The following CALN1 variants were observed in gnomAD, a reference collection of about 807,000 sequenced individuals.
CALN1 encodes calcium-binding protein 8.
In CALN1, 17 loss-of-function variants were observed where a neutral mutation model predicts 30.6. The observed-to-expected ratio is 0.56, with a 90% CI of 0.38 to 0.83. CALN1 has a LOEUF of 0.83. CALN1 is among the 40% of genes least tolerant of loss of function. CALN1 has a pLI of 0.00. For synonymous variants in CALN1, 156 were observed against 131.4 expected, an observed-to-expected ratio of 1.19 and a Z score of -1.28; for missense variants, 291 against 354.9, an observed-to-expected ratio of 0.82 and a Z score of 1.45.
intron 4 of CALN1, among the ~76,000 whole-genome samples, chr7:72,036,770 CT>C (rs1801823556): frequency 1.3e-5 from 2 of 151,772 alleles, no homozygotes; most frequent in African/African-American, 2.4e-5. Context: ...TGTATTCGAT[CT>C]GCTATCAGGT....
chr7:71,885,696 T>C (rs1792860479), intron 5 of CALN1, among the ~76,000 whole-genome samples: 1 of 152,250 alleles, frequency 6.6e-6, no homozygotes, highest in African/African-American at 2.4e-5. Flanking sequence ...ACAGAATTGC[T>C]GAGGTTAGCA....
At chr7:71,955,551 C>A (rs1174545132) in intron 5 of CALN1, among the ~76,000 whole-genome samples, 2 of 152,052 alleles carry the variant, frequency 1.3e-5, no homozygotes, top group Non-Finnish European at 2.9e-5. Context: ...AGCAGGGGTT[C>A]AAATCCAGGT....
chr7:72,130,350 T>C (rs1809053138), intron 3 of CALN1, among the ~76,000 whole-genome samples: 1 of 152,172 alleles, frequency 6.6e-6, no homozygotes. Flanking sequence ...GCAAGATGTA[T>C]TGTTAAATGA....
intron 1 of CALN1, among the ~76,000 whole-genome samples, chr7:72,427,558 G>T (rs1037828409): frequency 1.3e-5 from 2 of 152,136 alleles, no homozygotes; most frequent in Non-Finnish European, 2.9e-5. Flanking sequence ...ACAGGGTCTT[G>T]CTCTGTCATC....
upstream of CALN1, among the ~76,000 whole-genome samples, chr7:72,447,638 C>T (rs912835637): frequency 5.3e-5 from 8 of 152,146 alleles, no homozygotes; most frequent in Non-Finnish European, 1.0e-4. Context: ...CATGCACACA[C>T]GCCTACCCAT....
chr7:72,341,896 T>TAC (rs1802401965), intron 2 of CALN1, among the ~76,000 whole-genome samples: 1 of 151,822 alleles, frequency 6.6e-6, no homozygotes, highest in Non-Finnish European at 1.5e-5. Context: ...TCAAAGACCT[T>TAC]ACTTTGGGAG....
chr7:72,035,602 C>T (rs1335129443), intron 4 of CALN1, among the ~76,000 whole-genome samples: 3 of 151,866 alleles, frequency 2.0e-5, no homozygotes, highest in Admixed American at 2.0e-4. Flanking sequence ...TTCTCATTTC[C>T]TTTTTGTGTA....
the CALN1 span, among the ~76,000 whole-genome samples, chr7:72,501,370 TAAAAAAAAAAAAA>T: frequency 1.2e-4 from 5 of 42,812 alleles, no homozygotes; most frequent in African/African-American, 2.0e-4. Flanking sequence ...ACGTCTCTAT[TAAAAAAAAAAAAA>T]AAAAAAAAAA....
At chr7:71,990,855 G>T (rs1396221546) in intron 5 of CALN1, among the ~76,000 whole-genome samples, 2 of 152,134 alleles carry the variant, frequency 1.3e-5, no homozygotes, top group Non-Finnish European at 2.9e-5. Flanking sequence ...CGAGGTCCAA[G>T]AACCATCTCT....
chr7:72,095,003 G>A (rs1442797832), intron 4 of CALN1, among the ~76,000 whole-genome samples: 4 of 152,080 alleles, frequency 2.6e-5, no homozygotes, highest in African/African-American at 7.3e-5. Flanking sequence ...TCAGGGGCGT[G>A]TGTGTGTGTT....
intron 5 of CALN1, among the ~76,000 whole-genome samples, chr7:71,840,931 T>C (rs1789903020): frequency 6.6e-6 from 1 of 151,308 alleles, no homozygotes; most frequent in Non-Finnish European, 1.5e-5. Flanking sequence ...TAAGAATGTA[T>C]TGAAGTCATT....
chr7:72,342,389 G>A (rs1024058093), intron 2 of CALN1, among the ~76,000 whole-genome samples: 2 of 152,088 alleles, frequency 1.3e-5, no homozygotes, highest in African/African-American at 2.4e-5. Flanking sequence ...AGGTTTACAG[G>A]CCCTGGCACT....
At chr7:72,290,877 A>G (rs1268327220) in intron 2 of CALN1, among the ~76,000 whole-genome samples, 1 of 151,130 alleles carries the variant, frequency 6.6e-6, no homozygotes, top group African/African-American at 2.4e-5. Context: ...TTTTTCACTG[A>G]GTATCAATCT....
intron 5 of CALN1, among the ~76,000 whole-genome samples, chr7:71,968,308 A>G (rs1363218426): frequency 6.6e-6 from 1 of 152,176 alleles, no homozygotes; most frequent in East Asian, 1.9e-4. Flanking sequence ...GTTTCATTCT[A>G]TTTCTGTGGC....
At chr7:71,905,272 G>C (rs1794069164) in intron 5 of CALN1, among the ~76,000 whole-genome samples, 1 of 151,858 alleles carries the variant, frequency 6.6e-6, no homozygotes, top group African/African-American at 2.4e-5. Flanking sequence ...TATTTCAATA[G>C]CTTTTGGGGT....
chr7:71,940,868 T>C (rs1157537566), intron 5 of CALN1, among the ~76,000 whole-genome samples: 1 of 152,136 alleles, frequency 6.6e-6, no homozygotes, highest in Non-Finnish European at 1.5e-5. Context: ...CGCTTCAGCC[T>C]CCCAAGGTGC....
At chr7:72,271,575 A>AAAAAAAATATATATATATATAT in intron 3 of CALN1, among the ~76,000 whole-genome samples, 45 of 52,112 alleles carry the variant, frequency 8.6e-4, no homozygotes, top group East Asian at 5.9e-3. Flanking sequence ...AAAAAAAAAA[A>AAAAAAAATATATATATATATAT]ATATATATAT....
At position 71,887,017 on chromosome 7, in the gene CALN1, G is replaced by A. The variant is rs532731814; in HGVS notation, c.502-76525C>T. ...AGGAACCATGAGCTGCATCGTAGAG[G>A]GTGAGTGAGATTTTGCTAAGGGAAA... On this transcript the variant is annotated intron_variant, in intron 5 of 6. Transcript: ENST00000395275. Among the ~76,000 whole-genome samples the A allele has an allele frequency of 3.9e-5, 6 of 152,036 alleles. No homozygotes were observed. The South Asian group carries it at 1.2e-3, about 32-fold the overall frequency.
chr7:72,144,724 T>C (rs1810219433), intron 3 of CALN1, among the ~76,000 whole-genome samples: 1 of 152,192 alleles, frequency 6.6e-6, no homozygotes, highest in Non-Finnish European at 1.5e-5. Context: ...TAGTTGGAAG[T>C]AAAGCACTCC....
Sources: allele counts gnomAD v4.1 joint callset (sites outside exome capture counted in the v4.1 genomes callset), GRCh38; gene constraint gnomAD v4.1.1; transcripts MANE v1.5; gene names NCBI Gene and HGNC (gene_info 2026-07-23, HGNC 2026-07-21).